The following EXO1 variants were observed in gnomAD, a reference collection of about 807,000 sequenced individuals.
EXO1 encodes the protein exonuclease 1.
In EXO1, 69 loss-of-function variants were observed where a neutral mutation model predicts 84.5. The observed-to-expected ratio is 0.82, with a 90% CI of 0.67 to 1.00. The LOEUF is 1.00. Among genes scored for constraint, EXO1 ranks in the 50% least tolerant of loss-of-function variants. The pLI is 0.00. For missense variants in EXO1, 1,045 were observed against 1,000.7 expected, an observed-to-expected ratio of 1.04 and a Z score of -0.60; for synonymous variants, 373 against 366.1, an observed-to-expected ratio of 1.02 and a Z score of -0.21.
Position 241,861,439 on chromosome 1 carries a change from A to C in EXO1, c.978A>C (p.Ala326=). The C allele has an allele frequency of 6.3e-7, 1 of 1,579,058 alleles. No individual in the cohort carries two copies. Among genetic ancestry groups the C allele is most frequent in the Non-Finnish European group, 8.7e-7 (1 of 1,148,034 alleles). ...ATGATTCCATAGCTCTTCAAATAGC[A>C]CTTGGAAATAAAGATATAAATACTT... The part of the protein sequence containing the change: ...YVDDSIALQI[A]LGNKDINTFE... The change falls in exon 10 of 16, where the codon GCA becomes GCC. Residue 326 remains alanine, a synonymous_variant. Coordinates refer to ENST00000366548, the MANE Select transcript of EXO1 (RefSeq NM_130398.4).
At position 241,857,366 on chromosome 1, in the gene EXO1, G is replaced by T. The variant is rs1190558024; in HGVS notation, c.427G>T (p.Asp143Tyr). Residue 143 changes from aspartate (D) to tyrosine (Y), a missense_variant, in exon 7 of 16, where the codon GAT (aspartate) becomes TAT (tyrosine). Asp to Tyr is a radical substitution (Grantham distance 160, BLOSUM62 -3). Transcript: ENST00000366548. Reference protein sequence around the residue: ...VIKAARSQGVDCLVAPYEADA... With the variant: ...VIKAARSQGVYCLVAPYEADA... ...CTAGGCTGCCCGGTCTCAGGGGGTA[G>T]ATTGCCTCGTGGCTCCCTATGAAGC... 6.2e-7 allele frequency: 1 copy of T among 1,613,960 alleles called. No homozygotes were observed. Among genetic ancestry groups the T allele is most frequent in the Non-Finnish European group, 8.5e-7 (1 of 1,179,918 alleles).
intron 10 of EXO1, among the ~76,000 whole-genome samples, chr1:241,863,423 CAAA>C (rs11458545): frequency 3.5e-5 from 5 of 144,768 alleles, no homozygotes; most frequent in Admixed American, 6.9e-5. Flanking sequence ...AAAAAAAAAA[CAAA>C]AAAAGCGTAT....
rs139407811 is a variant in EXO1 at position 241,875,612 on chromosome 1, T to C, written c.1515-3137T>C. Among the ~76,000 whole-genome samples, 248 of 152,300 alleles carry C rather than the reference T, an allele frequency of 1.6e-3. 1 individual carries two copies. Among genetic ancestry groups the C allele is most frequent in the Non-Finnish European group, 2.7e-3 (181 of 68,024 alleles). On this transcript the variant is annotated intron_variant, in intron 12 of 15. Transcript: ENST00000366548. ...ACACTGATTGGGCCGGCCGTGGTGGTTCATGCCTTTAATCCCAGCACTTTG... is the reference window on the plus strand; with the variant it reads ...ACACTGATTGGGCCGGCCGTGGTGGCTCATGCCTTTAATCCCAGCACTTTG...
chr1:241,850,692 T>C (rs188024841), intron 4 of EXO1, 106 bp downstream of exon 4: 9 of 908,924 alleles, frequency 9.9e-6, no homozygotes, highest in East Asian at 2.4e-5. Context: ...CCAGAACTTA[T>C]CAGGAAGTAA....
Position 241,860,815 on chromosome 1 carries a change from C to CT in EXO1, c.944+117dup, listed in dbSNP as rs4149911. 5,860 of 849,758 alleles carry CT rather than the reference C, an allele frequency of 6.9e-3. 241 individuals carry two copies. In the African/African-American group the frequency reaches 0.088, roughly 13 times the overall value. 52.6% of individuals were successfully genotyped at this position (849,758 alleles called of 1,614,324 possible). A position where few individuals can be genotyped will look rare whatever the true frequency, so the allele number is the denominator to read the frequency against. On this transcript the variant is annotated intron_variant, in intron 9 of 15. Transcript: ENST00000366548. ...AAGCTTGCACATTATTTTTTGCTCT[C>CT]TTTTTTATAGTGAAATCTGTATATT...
At chr1:241,850,311 G>T in intron 3 of EXO1, 98 bp from the exon 4 acceptor site, 7 of 835,848 alleles carry the variant, frequency 8.4e-6, no homozygotes, top group Admixed American at 4.3e-5. Flanking sequence ...ACCAATTTCT[G>T]CATTGGACTC....
At chr1:241,849,671 T>C (rs577098046) in intron 3 of EXO1, among the ~76,000 whole-genome samples, 1 of 152,374 alleles carries the variant, frequency 6.6e-6, no homozygotes, top group African/African-American at 2.4e-5. Flanking sequence ...TGTTTTTTAA[T>C]TGAAATACTT....
rs981983889 is a variant in EXO1 at position 241,869,862 on chromosome 1, G to A, written c.1268-2170G>A. On this transcript the variant is annotated intron_variant, in intron 11 of 15. Transcript: ENST00000366548. ...ACTGTGTCACTGTGTCACCCAGGCT[G>A]GAGGGCAGTGGCGTGTTCTTGGCTC... is the stretch of plus-strand genomic sequence containing the variant. 6.0e-5 allele frequency among the ~76,000 whole-genome samples: 9 copies of A among 149,486 alleles called. No individual in the cohort carries two copies. The East Asian group carries it at 1.2e-3, about 20-fold the overall frequency.
chr1:241,853,575 C>CAGAAAG, intron 6 of EXO1, 94 bp downstream of exon 6: 1 of 1,372,584 alleles, frequency 7.3e-7, no homozygotes, highest in Non-Finnish European at 1.0e-6. Context: ...GAAAATTGTT[C>CAGAAAG]TAGGCCTAAC....
chr1:241,883,778 A>G (rs753885876), intron 14 of EXO1, among the ~76,000 whole-genome samples: 2 of 152,160 alleles, frequency 1.3e-5, no homozygotes, highest in Non-Finnish European at 2.9e-5. Flanking sequence ...ATTCATGTAC[A>G]CATTTGCATG....
Position 241,879,015 on chromosome 1 carries a change from C to T in EXO1, c.1781C>T (p.Thr594Ile). 1 of 1,614,184 alleles carries T rather than the reference C, an allele frequency of 6.2e-7. No individual in the cohort carries two copies. The highest frequency in any genetic ancestry group is 2.2e-5 in the East Asian group (1 of 44,882). The part of the protein sequence containing the change: ...ESYSFESSKF[T>I]RTISPPTLGT... ...TACTCTTTTGAGAGCAGCAAATTTA[C>T]AAGGACCATTTCACCACCCACTTTG... Residue 594 changes from threonine to isoleucine, a missense_variant, in exon 13 of 16, where the codon ACA (threonine) becomes ATA (isoleucine). Physicochemically the swap from Thr to Ile is moderately conservative, Grantham distance 89. Transcript: ENST00000366548.
chr1:241,852,397 G>A lies in EXO1; in HGVS notation c.267G>A (p.Glu89=), dbSNP rs147963292. 6.3e-7 allele frequency: 1 copy of A among 1,597,140 alleles called. No individual in the cohort carries two copies. Among genetic ancestry groups the A allele is most frequent in the East Asian group, 2.2e-5 (1 of 44,754 alleles). The change falls in exon 5 of 16, where the codon GAG becomes GAA. Residue 89 remains glutamate (E), a synonymous_variant. Coordinates refer to ENST00000366548, the MANE Select transcript of EXO1 (RefSeq NM_130398.4). ...GCTLPSKKEV[E]RSRRERRQAN... is the part of the protein sequence containing the mutation. ...CTTTACCTTCTAAAAAGGAAGTAGA[G>A]AGATCTAGAAGAGAGTAAGTTAATT... is the stretch of plus-strand genomic sequence containing the variant.
intron 15 of EXO1, among the ~76,000 whole-genome samples, chr1:241,888,742 A>G (rs1663201267): frequency 6.6e-6 from 1 of 152,224 alleles, no homozygotes; most frequent in South Asian, 2.1e-4. Context: ...GCTTCCTTCC[A>G]GAAAAGAAAA....
At chr1:241,852,034 C>G (rs1421519763) in intron 4 of EXO1, among the ~76,000 whole-genome samples, 1 of 152,116 alleles carries the variant, frequency 6.6e-6, no homozygotes, top group South Asian at 2.1e-4. Flanking sequence ...GATATCAAAG[C>G]TCTTTAATTC....
At chr1:241,867,616 C>CT (rs1005833342) in intron 11 of EXO1, among the ~76,000 whole-genome samples, 2,034 of 148,198 alleles carry the variant, frequency 0.014, 50 homozygotes, top group African/African-American at 0.047. Flanking sequence ...AGGATTATGG[C>CT]TTTTTTTTTT....
chr1:241,889,647 T>G lies in EXO1; in HGVS notation c.*47T>G. ...TTGCCTGCAAGAGAATCTGATCAAT[T>G]TGAAGTCCCTGTTTGGGAATGAGGC... On this transcript the variant is annotated 3_prime_UTR_variant, in exon 16 of 16. Transcript: ENST00000366548. 2 of 1,599,612 alleles carry G rather than the reference T, an allele frequency of 1.3e-6. No individual in the cohort carries two copies. Among genetic ancestry groups the G allele is most frequent in the Middle Eastern group, 1.7e-4 (1 of 6,050 alleles).
chr1:241,873,374 C>A (rs1662222714), intron 12 of EXO1, among the ~76,000 whole-genome samples: 1 of 152,114 alleles, frequency 6.6e-6, no homozygotes, highest in South Asian at 2.1e-4. Flanking sequence ...TGACATAAAC[C>A]CCTTTAACTT....
intron 12 of EXO1, among the ~76,000 whole-genome samples, chr1:241,873,925 T>TG (rs537427898): frequency 1.3e-4 from 19 of 151,996 alleles, no homozygotes; most frequent in African/African-American, 4.1e-4. Flanking sequence ...GGTGTAAAGA[T>TG]GGGGGGCAGC....
rs4149929 is a variant in EXO1, at chr1:241,862,385, T to C, written c.1041+883T>C. ...TTCCTTAGGTAAGTCCTTAGGGCTT[T>C]AATCCCATTTACGTAAAGAACTCAC... On this transcript the variant is annotated intron_variant, in intron 10 of 15. Coordinates refer to ENST00000366548, the MANE Select transcript of EXO1 (RefSeq NM_130398.4). 5.8e-3 allele frequency among the ~76,000 whole-genome samples: 881 copies of C among 152,360 alleles called. 6 individuals carry two copies. Among genetic ancestry groups the C allele is most frequent in the African/African-American group, 0.02 (842 of 41,588 alleles).
Sources: gnomAD v4.1 joint callset for allele counts (sites outside exome capture counted in the v4.1 genomes callset) on GRCh38, gnomAD v4.1.1 for gene constraint, MANE v1.5 for transcripts, NCBI Gene and HGNC (gene_info 2026-07-23, HGNC 2026-07-21) for gene names.